Variants in PRPF6 observed in about 807,000 individuals in gnomAD.
The protein encoded by PRPF6 is pre-mRNA-processing factor 6.
PRPF6 carries 42 observed loss-of-function variants against 118.3 expected under a neutral mutation model. The ratio of observed to expected loss-of-function variants is 0.35; its 90% confidence interval spans 0.28 to 0.46. The LOEUF is 0.46. PRPF6 is among the 20% of genes least tolerant of loss of function. The pLI is 1.00. For missense variants in PRPF6, 662 were observed against 1,255.7 expected (o/e 0.53, Z 7.15); for synonymous variants, 481 against 485.1 (o/e 0.99, Z 0.11).
intron 14 of PRPF6, among the ~76,000 whole-genome samples, chr20:64,025,345 C>T (rs531183157): frequency 3.3e-4 from 51 of 152,246 alleles, no homozygotes; most frequent in African/African-American, 9.1e-4. Flanking sequence ...CTCTCTTGGG[C>T]GGCTGTGCTG....
At chr20:64,014,798 G>A (rs575508735) in intron 11 of PRPF6, among the ~76,000 whole-genome samples, 7 of 152,326 alleles carry the variant, frequency 4.6e-5, no homozygotes, top group South Asian at 2.1e-4. Flanking sequence ...GTCATCGAAC[G>A]TAAAGTGTTG....
rs1193331265 is a variant in PRPF6 at position 64,029,381 on chromosome 20, C to G, written c.2436C>G (p.Ile812Met). The G allele has an allele frequency of 1.9e-6, 3 of 1,613,732 alleles. No homozygotes were observed. The highest frequency in any genetic ancestry group is 4.5e-5 in the East Asian group (2 of 44,886). The change falls in exon 19 of 21, where the codon ATC becomes ATG. Residue 812 changes from isoleucine (I) to methionine (M), a missense_variant. Ile to Met is a conservative substitution (Grantham distance 10). Around this residue, in one of 10 missense-constraint regions of PRPF6, gnomAD observed 244 missense variants for 383.7 expected, o/e 0.64. Coordinates refer to ENST00000266079, the MANE Select transcript of PRPF6 (RefSeq NM_012469.4). This position sits in a 1 kb window ranked among gnomAD's most constrained non-coding sequence, Gnocchi z 4.8. ...TTCTTTGTTTCTGAATTATAGGTAT[C>G]CTGTGGTCTGAGGCCATCTTCCTCG... ...KALQECPNSGILWSEAIFLEA... is the reference protein window; with the variant it reads ...KALQECPNSGMLWSEAIFLEA...
rs1219794044 is a variant in PRPF6, at chr20:64,027,215, C to T, written c.2205+57C>T. 15 of 1,593,984 alleles carry T rather than the reference C, an allele frequency of 9.4e-6. No homozygotes were observed. The highest frequency in any genetic ancestry group is 1.3e-5 in the Non-Finnish European group (15 of 1,167,266). ...CTGACCCGGCATTCACAAAACTGAGCCCCCTGGTGCAGGGTCATTGCCCTT... is the reference window on the plus strand; with the variant it reads ...CTGACCCGGCATTCACAAAACTGAGTCCCCTGGTGCAGGGTCATTGCCCTT... On this transcript the variant is annotated intron_variant, in intron 16 of 20. Coordinates refer to ENST00000266079, the MANE Select transcript of PRPF6 (RefSeq NM_012469.4). The surrounding 1 kb of genome is among the most constrained non-coding windows in gnomAD (Gnocchi z 6.5).
intron 1 of PRPF6, among the ~76,000 whole-genome samples, chr20:63,982,508 A>ATCTGGCAGAGCATGGGTTGAAG (rs2059075138): frequency 6.6e-6 from 1 of 152,182 alleles, no homozygotes; most frequent in African/African-American, 2.4e-5. Context: ...GGGAAGAATC[A>ATCTGGCAGAGCATGGGTTGAAG]TCTGGCAGAG....
At chr20:64,021,065 G>T (rs935982009) in intron 12 of PRPF6, among the ~76,000 whole-genome samples, 10 of 152,236 alleles carry the variant, frequency 6.6e-5, no homozygotes, top group African/African-American at 1.9e-4. Context: ...GGAATTACAG[G>T]CGTGAGCCAC....
At chr20:63,991,309 A>G (rs2059117512) in intron 3 of PRPF6, among the ~76,000 whole-genome samples, 2 of 151,872 alleles carry the variant, frequency 1.3e-5, no homozygotes, top group Admixed American at 6.6e-5. Context: ...AGTTCCAGCT[A>G]CATTCCCAAG....
Position 64,027,883 on chromosome 20 carries a change from C to A in PRPF6, c.2339+147C>A. ...GCGGTAGGTGCTGGCCATGAAAAAT[C>A]ACGGTCCCTGCCTTAGGAGAGTTCG... On this transcript the variant is annotated intron_variant, in intron 17 of 20. Coordinates refer to ENST00000266079, the MANE Select transcript of PRPF6 (RefSeq NM_012469.4). The surrounding 1 kb of genome is among the most constrained non-coding windows in gnomAD (Gnocchi z 6.5). 1 of 1,178,284 alleles carries A rather than the reference C, an allele frequency of 8.5e-7. No individual in the cohort carries two copies. Among genetic ancestry groups the A allele is most frequent in the Non-Finnish European group, 1.3e-6 (1 of 794,922 alleles). 73.0% of individuals were successfully genotyped at this position (1,178,284 alleles called of 1,614,324 possible).
chr20:64,004,787 G>A (rs888911995), intron 9 of PRPF6, among the ~76,000 whole-genome samples: 5 of 152,226 alleles, frequency 3.3e-5, no homozygotes, highest in Admixed American at 1.3e-4. Flanking sequence ...GGGGAGGCCC[G>A]ACTGGCAGCT....
In PRPF6 at chr20:63,994,901, G is replaced by A; in HGVS notation, c.439-15G>A. 1 of 1,614,162 alleles carries A rather than the reference G, an allele frequency of 6.2e-7. No individual in the cohort carries two copies. The highest frequency in any genetic ancestry group is 8.5e-7 in the Non-Finnish European group (1 of 1,180,036). On this transcript the variant is annotated splice_polypyrimidine_tract_variant and intron_variant, in intron 4 of 20. Coordinates refer to ENST00000266079, the MANE Select transcript of PRPF6 (RefSeq NM_012469.4). ...TGTCAGAGAATTAATGTTTTTGGGG[G>A]CTGGATATTTCCAGAGGAAGTTGGC... is the stretch of plus-strand genomic sequence containing the variant.
chr20:63,988,962 C>G (rs990762604), intron 3 of PRPF6, among the ~76,000 whole-genome samples: 1 of 151,634 alleles, frequency 6.6e-6, no homozygotes, highest in African/African-American at 2.4e-5. Flanking sequence ...GCAAAAGGAA[C>G]AAAACTGGGG....
intron 12 of PRPF6, among the ~76,000 whole-genome samples, chr20:64,018,411 T>A (rs1470139572): frequency 1.1e-4 from 17 of 152,128 alleles, no homozygotes; most frequent in Admixed American, 1.1e-3. Context: ...CCGGGTTGGG[T>A]TGAGGCTTCT....
Position 63,983,128 on chromosome 20 carries a change from A to G in PRPF6, c.153A>G (p.Pro51=), listed in dbSNP as rs751793753. Reference sequence around the variant, plus strand: ...CTGTGGATGATCGCCATGCACCCCCAGGCAAGAGAACCGTTGGGGACCAGA... The same window carrying G: ...CTGTGGATGATCGCCATGCACCCCCGGGCAAGAGAACCGTTGGGGACCAGA... ...NDPVDDRHAP[P]GKRTVGDQMK... Residue 51 remains proline (P), a synonymous_variant, in exon 2 of 21, where the codon CCA becomes CCG. Transcript: ENST00000266079. 2.5e-6 allele frequency: 4 copies of G among 1,614,190 alleles called. No individual in the cohort carries two copies. The highest frequency in any genetic ancestry group is 1.6e-4 in the Middle Eastern group (1 of 6,062).
Position 64,031,961 on chromosome 20 carries a change from T to C in PRPF6, c.2590T>C (p.Phe864Leu). 1 of 1,614,136 alleles carries C rather than the reference T, an allele frequency of 6.2e-7. No individual in the cohort carries two copies. The highest frequency in any genetic ancestry group is 8.5e-7 in the Non-Finnish European group (1 of 1,180,018). The part of the protein sequence containing the change: ...QRKITKAREW[F>L]HRTVKIDSDL... Reference sequence around the variant, plus strand: ...GAAGATCACCAAGGCCAGGGAGTGGTTCCACCGCACTGTGAAGATTGACTC... The same window carrying C: ...GAAGATCACCAAGGCCAGGGAGTGGCTCCACCGCACTGTGAAGATTGACTC... The change falls in exon 20 of 21, where the codon TTC (phenylalanine) becomes CTC (leucine). Residue 864 changes from phenylalanine to leucine, a missense_variant. Transcript: ENST00000266079.
intron 9 of PRPF6, among the ~76,000 whole-genome samples, chr20:64,008,865 A>C (rs973294363): frequency 6.6e-6 from 1 of 152,218 alleles, no homozygotes; most frequent in Non-Finnish European, 1.5e-5. Context: ...CATTGCAGGT[A>C]ATATTCTTAA....
At chr20:64,005,425 C>T (rs1159979620) in intron 9 of PRPF6, among the ~76,000 whole-genome samples, 1 of 152,166 alleles carries the variant, frequency 6.6e-6, no homozygotes, top group African/African-American at 2.4e-5. Context: ...CCCACGCAGT[C>T]GAGGTGAGAG....
intron 13 of PRPF6, among the ~76,000 whole-genome samples, chr20:64,023,870 C>G (rs2059276611): frequency 6.6e-6 from 1 of 152,222 alleles, no homozygotes; most frequent in African/African-American, 2.4e-5. Context: ...CCTGCCTTCT[C>G]CCGAGTGCAT....
In PRPF6 at chr20:64,002,000, G is replaced by GT. The variant is rs1292061062; in HGVS notation, c.1186+771dup. Among the ~76,000 whole-genome samples the GT allele has an allele frequency of 6.9e-3, 714 of 102,848 alleles. 3 individuals carry two copies. The highest frequency in any genetic ancestry group is 0.011 in the Non-Finnish European group (544 of 47,610). The allele number at this position is 102,848 out of a possible 152,430, so 67.5% of individuals were successfully genotyped here. ...GGTGGCTTCTTTTTTTTCATTTTTT[G>GT]TTTTTTTTTTCTGGTTTTTTTTTTT... On this transcript the variant is annotated intron_variant, in intron 9 of 20. Coordinates refer to ENST00000266079, the MANE Select transcript of PRPF6 (RefSeq NM_012469.4).
intron 6 of PRPF6, among the ~76,000 whole-genome samples, chr20:63,996,252 T>C (rs899265428): frequency 6.6e-6 from 1 of 152,138 alleles, no homozygotes; most frequent in African/African-American, 2.4e-5. Flanking sequence ...GGCAGGAGAA[T>C]TGCTTGAACC....
chr20:63,996,991 C>T (rs1257475832), intron 6 of PRPF6, among the ~76,000 whole-genome samples: 4 of 152,108 alleles, frequency 2.6e-5, no homozygotes, highest in Non-Finnish European at 2.9e-5. Flanking sequence ...CAGAATTTAC[C>T]ATTTTAATCA....
Sources: gnomAD v4.1 joint callset for allele counts (sites outside exome capture counted in the v4.1 genomes callset) on GRCh38, gnomAD v4.1.1 for gene constraint, gnomAD v4.1.1 regional missense constraint, Gnocchi (gnomAD v3.1) non-coding constraint, MANE v1.5 for transcripts, NCBI Gene and HGNC (gene_info 2026-07-23, HGNC 2026-07-21) for gene names.